ZNF500: variants seen among roughly 807,000 people sequenced by gnomAD.
ZNF500 encodes zinc finger protein 500.
Under a neutral mutation model 30.1 loss-of-function variants are expected in ZNF500, and 31 were observed. The observed-to-expected ratio is 1.03, with a 90% CI of 0.77 to 1.39. ZNF500 has a LOEUF of 1.39. Ranked by LOEUF, ZNF500 falls within the 40% of genes most tolerant of loss-of-function variation. The pLI is 0.00. For synonymous variants in ZNF500, 392 were observed against 282.0 expected (o/e 1.39, Z -3.91); for missense variants, 817 against 657.8 (o/e 1.24, Z -2.65).
chr16:4,762,610 G>C lies in ZNF500; in HGVS notation c.561C>G (p.His187Gln), dbSNP rs768268708. Residue 187 changes from histidine to glutamine, a missense_variant, in exon 3 of 6, where the codon CAC (histidine) becomes CAG (glutamine). His to Gln is a conservative substitution (Grantham distance 24, BLOSUM62 0). Coordinates refer to ENST00000219478, the MANE Select transcript of ZNF500 (RefSeq NM_021646.4). ...SSQQPPAQLSHRPQRGPLLWP... is the reference protein window; with the variant it reads ...SSQQPPAQLSQRPQRGPLLWP... ...ACAACAGCGGGCCCCTCTGTGGCCT[G>C]TGGCTCAGCTGGGCTGGGGGCTGCT... 4 of 1,614,050 alleles carry C rather than the reference G, an allele frequency of 2.5e-6. No homozygotes were observed. Among genetic ancestry groups the C allele is most frequent in the South Asian group, 1.1e-5 (1 of 91,088 alleles).
intron 2 of ZNF500, among the ~76,000 whole-genome samples, chr16:4,765,033 G>C (rs1252511609): frequency 6.6e-6 from 1 of 152,128 alleles, no homozygotes; most frequent in Non-Finnish European, 1.5e-5. Flanking sequence ...TGGCGTAGTG[G>C]CTCATGCCTG....
chr16:4,754,952 C>A (rs1014271465), intron 5 of ZNF500, among the ~76,000 whole-genome samples: 1 of 151,966 alleles, frequency 6.6e-6, no homozygotes, highest in African/African-American at 2.4e-5. Flanking sequence ...GAGATGTGGT[C>A]GATTAAAAGT....
At chr16:4,747,697 T>A, downstream of ZNF500, 1 of 1,489,646 alleles carries the variant, frequency 6.7e-7, no homozygotes, top group Admixed American at 2.3e-5. Flanking sequence ...GGCCCCGGTG[T>A]CCCCTTGTTG....
downstream of ZNF500, chr16:4,747,148 G>C (rs1196876953): frequency 4.9e-6 from 6 of 1,213,008 alleles, no homozygotes; most frequent in East Asian, 9.7e-5. Context: ...CACAGGGTGA[G>C]GGGGACGGCA....
At position 4,761,569 on chromosome 16, in the gene ZNF500, G is replaced by C. The variant is rs566115815; in HGVS notation, c.663+702C>G. ...AAATAAATAAAAATAAAACAGGCCA[G>C]GCATGGTGGCTTATGCCTGTAATCC... On this transcript the variant is annotated intron_variant, in intron 4 of 5. Transcript: ENST00000219478. 5.3e-5 allele frequency among the ~76,000 whole-genome samples: 8 copies of C among 151,226 alleles called. No individual in the cohort carries two copies. The South Asian group carries it at 1.7e-3, about 32-fold the overall frequency.
downstream of ZNF500, among the ~76,000 whole-genome samples, chr16:4,744,624 G>A (rs778062990): frequency 2.0e-5 from 2 of 99,372 alleles, no homozygotes; most frequent in East Asian, 3.4e-4. Context: ...TTAAAAATAC[G>A]TCACTCCTAC....
intron 4 of ZNF500, among the ~76,000 whole-genome samples, chr16:4,761,075 C>T (rs938677025): frequency 3.3e-5 from 5 of 152,032 alleles, no homozygotes; most frequent in Non-Finnish European, 5.9e-5. Flanking sequence ...TTTGTGGTTG[C>T]CAGAGGCTGA....
downstream of ZNF500, chr16:4,748,107 A>T (rs181097161): frequency 8.4e-5 from 13 of 154,936 alleles, no homozygotes; most frequent in African/African-American, 2.9e-4. Flanking sequence ...GGGCACCTAA[A>T]TTAACACACG....
chr16:4,763,620 G>T (rs1436170238), intron 2 of ZNF500: 1 of 985,252 alleles, frequency 1.0e-6, no homozygotes, highest in Non-Finnish European at 1.2e-6. Flanking sequence ...CTCTAAGGGA[G>T]CGTAGTCCCC....
At chr16:4,764,116 G>A in intron 2 of ZNF500, 1 of 985,266 alleles carries the variant, frequency 1.0e-6, no homozygotes, top group Admixed American at 6.1e-5. Flanking sequence ...ACTGTCTATA[G>A]AGATTTCGGT....
chr16:4,762,308 A>G lies in ZNF500; in HGVS notation c.626T>C (p.Met209Thr), dbSNP rs1323597038. 1.2e-6 allele frequency: 2 copies of G among 1,610,888 alleles called. No individual in the cohort carries two copies. Among genetic ancestry groups the G allele is most frequent in the Non-Finnish European group, 1.7e-6 (2 of 1,178,744 alleles). Residue 209 changes from methionine to threonine, a missense_variant, in exon 4 of 6, where the codon ATG becomes ACG. Coordinates refer to ENST00000219478, the MANE Select transcript of ZNF500 (RefSeq NM_021646.4). ...CGAAAGGAAGGGCGAGGCTGACGCC[A>G]TCTCCTGATGCCGGGGAGCTGGAGG... ...RGPPAPRHQE[M>T]ASASPFLSAW...
intron 2 of ZNF500, chr16:4,763,647 G>GC: frequency 1.0e-6 from 1 of 985,402 alleles, no homozygotes; most frequent in Non-Finnish European, 1.2e-6. Flanking sequence ...AGCACAGCCT[G>GC]CCCCTCTCAG....
downstream of ZNF500, chr16:4,747,133 C>A: frequency 8.0e-7 from 1 of 1,247,584 alleles, no homozygotes; most frequent in Non-Finnish European, 1.1e-6. Context: ...TTGCTGCACC[C>A]ACCGCACAGG....
intron 5 of ZNF500, among the ~76,000 whole-genome samples, chr16:4,753,381 G>C (rs546326218): frequency 6.6e-6 from 1 of 152,364 alleles, no homozygotes; most frequent in African/African-American, 2.4e-5. Context: ...AGGATCACTT[G>C]AGTCTAGGAG....
chr16:4,748,151 A>G (rs2142216885), downstream of ZNF500: 1 of 151,544 alleles, frequency 6.6e-6, no homozygotes, highest in Non-Finnish European at 1.5e-5. Context: ...GATCTAATAC[A>G]CGTGGTTTTT....
chr16:4,745,056 G>A, downstream of ZNF500: 1 of 1,592,578 alleles, frequency 6.3e-7, no homozygotes, highest in Non-Finnish European at 8.6e-7. Context: ...CTTTAGAATG[G>A]CCCCATGGTT....
rs1234269960 is a variant in ZNF500, at chr16:4,749,547, GC to G, written c.*2828del. 1 of 152,844 alleles carries G rather than the reference GC, an allele frequency of 6.5e-6. No homozygotes were observed. The highest frequency in any genetic ancestry group is 1.5e-5 in the Non-Finnish European group (1 of 68,234). The allele number at this position is 152,844 out of a possible 1,614,324, so 9.5% of individuals were successfully genotyped here. On this transcript the variant is annotated 3_prime_UTR_variant, in exon 6 of 6. Coordinates refer to ENST00000219478, the MANE Select transcript of ZNF500 (RefSeq NM_021646.4). ...AGGAGAATCATGGCCGGGCGCGGTG[GC>G]TCACGCCTGTAATCCCAGCACTTTG...
rs921864 is a variant in ZNF500, at chr16:4,751,841, G to T, written c.*535C>A. Reference sequence around the variant, plus strand: ...GAGGAACACTTGAGCCCAGGGATTCGAGGCTGCAGTGAGCTATGATCATGG... The same window carrying T: ...GAGGAACACTTGAGCCCAGGGATTCTAGGCTGCAGTGAGCTATGATCATGG... On this transcript the variant is annotated 3_prime_UTR_variant, in exon 6 of 6. Coordinates refer to ENST00000219478, the MANE Select transcript of ZNF500 (RefSeq NM_021646.4). The T allele has an allele frequency of 1.8e-6, 1 of 561,056 alleles. No homozygotes were observed. Among genetic ancestry groups the T allele is most frequent in the Non-Finnish European group, 3.1e-6 (1 of 322,334 alleles). The allele number at this position is 561,056 out of a possible 1,614,324, so 34.8% of individuals were successfully genotyped here. A position where few individuals can be genotyped will look rare whatever the true frequency, so the allele number is the denominator to read the frequency against.
At position 4,749,877 on chromosome 16, in the gene ZNF500, C is replaced by T. The variant is rs974533966; in HGVS notation, c.*2499G>A. On this transcript the variant is annotated 3_prime_UTR_variant, in exon 6 of 6. Transcript: ENST00000219478. ...CACTGGACTGCATGAGATAACATCA[C>T]AGCACACGCAGGCACCTGGGACTCA... is the stretch of plus-strand genomic sequence containing the variant. The T allele has an allele frequency of 2.6e-5, 4 of 152,240 alleles. No homozygotes were observed. The highest frequency in any genetic ancestry group is 9.7e-5 in the African/African-American group (4 of 41,432). The allele number at this position is 152,240 out of a possible 1,614,324, so 9.4% of individuals were successfully genotyped here.
Sources: gnomAD v4.1 joint callset for allele counts (sites outside exome capture counted in the v4.1 genomes callset) on GRCh38, gnomAD v4.1.1 for gene constraint, MANE v1.5 for transcripts, NCBI Gene and HGNC (gene_info 2026-07-23, HGNC 2026-07-21) for gene names.